Variants in SMIM14 observed in about 807,000 individuals in gnomAD.
SMIM14 encodes small integral membrane protein 14.
In SMIM14, 5 loss-of-function variants were observed where a neutral mutation model predicts 12.6. The observed-to-expected ratio is 0.40, with a 90% CI of 0.21 to 0.83. The LOEUF (loss-of-function observed/expected upper bound fraction) is 0.83, where lower values mean the gene tolerates loss of function less well. Among genes scored for constraint, SMIM14 ranks in the 40% least tolerant of loss-of-function variants. The pLI is 0.37. For missense variants in SMIM14, 86 were observed against 119.1 expected (o/e 0.72, Z 1.29); for synonymous variants, 30 against 40.1 (o/e 0.75, Z 0.95).
intron 1 of SMIM14, among the ~76,000 whole-genome samples, chr4:39,616,859 T>C (rs1481731274): frequency 6.6e-6 from 1 of 152,118 alleles, no homozygotes; most frequent in Non-Finnish European, 1.5e-5. Context: ...AATACTAAGA[T>C]ATTCATTTCC....
intron 2 of SMIM14, 61 bp from the exon 3 acceptor site, chr4:39,572,524 T>C: frequency 7.1e-7 from 1 of 1,413,274 alleles, no homozygotes; most frequent in Admixed American, 1.7e-5. Context: ...ACCATAATTA[T>C]TAGAAAGATC....
chr4:39,598,126 C>G (rs1463167809), intron 2 of SMIM14, among the ~76,000 whole-genome samples: 1 of 152,168 alleles, frequency 6.6e-6, no homozygotes, highest in Non-Finnish European at 1.5e-5. Context: ...GACAGCAACT[C>G]TCGTGGTTTT....
At chr4:39,562,181 C>CATG (rs1712342640) in intron 3 of SMIM14, among the ~76,000 whole-genome samples, 1 of 151,946 alleles carries the variant, frequency 6.6e-6, no homozygotes, top group Non-Finnish European at 1.5e-5. Context: ...TGAGACCAGC[C>CATG]TGGGCAACAT....
intron 4 of SMIM14, 112 bp downstream of exon 4, chr4:39,556,316 A>T: frequency 1.0e-6 from 1 of 960,380 alleles, no homozygotes; most frequent in Non-Finnish European, 1.5e-6. Flanking sequence ...ATACTCTATG[A>T]GTTAAATATA....
At position 39,547,905 on chromosome 4, in the gene SMIM14, CTTT is replaced by C. The variant is rs33990654; in HGVS notation, c.*4218_*4220del. ...ATAACATGAAAAAAATGAAAAACAT[CTTT>C]TTTTTTTTTTTTTTGAGACGGAGTT... On this transcript the variant is annotated 3_prime_UTR_variant, in exon 5 of 5. Transcript: ENST00000295958. The C allele has an allele frequency of 1.0e-4, 14 of 137,950 alleles. No homozygotes were observed. Among genetic ancestry groups the C allele is most frequent in the Non-Finnish European group, 1.1e-4 (7 of 64,362 alleles). The allele number at this position is 137,950 out of a possible 1,614,324, so 8.5% of individuals were successfully genotyped here.
intron 2 of SMIM14, chr4:39,588,129 TG>T (rs1474369822): frequency 5.9e-5 from 9 of 152,266 alleles, no homozygotes; most frequent in Non-Finnish European, 1.3e-4. Context: ...ACACAAACAA[TG>T]ATCAGCAGAC....
At chr4:39,627,196 TCA>T (rs1715736079) in intron 1 of SMIM14, among the ~76,000 whole-genome samples, 1 of 152,108 alleles carries the variant, frequency 6.6e-6, no homozygotes, top group Admixed American at 6.5e-5. Context: ...CATGACTTAA[TCA>T]CTACCCAAAG....
chr4:39,613,139 A>G (rs968719968), intron 1 of SMIM14, among the ~76,000 whole-genome samples: 2 of 152,214 alleles, frequency 1.3e-5, no homozygotes, highest in African/African-American at 4.8e-5. Flanking sequence ...GAGCTTCTGG[A>G]GGGCAGAAAT....
At chr4:39,594,662 AG>A (rs1351775287) in intron 2 of SMIM14, 3 of 148,146 alleles carry the variant, frequency 2.0e-5, no homozygotes, top group African/African-American at 7.5e-5. Flanking sequence ...CATCTGACAA[AG>A]GGCTAATATC....
At chr4:39,612,403 C>T (rs146440171) in intron 1 of SMIM14, among the ~76,000 whole-genome samples, 2,786 of 152,014 alleles carry the variant, frequency 0.018, 107 homozygotes, top group African/African-American at 0.062. Flanking sequence ...TACACACATG[C>T]GCTATGCTGG....
chr4:39,618,289 T>C (rs1045857336), intron 1 of SMIM14, among the ~76,000 whole-genome samples: 57 of 152,100 alleles, frequency 3.7e-4, no homozygotes, highest in Non-Finnish European at 1.9e-4. Context: ...ACCTTGATAC[T>C]GAACACTGTA....
At chr4:39,567,087 G>C (rs140165085) in intron 3 of SMIM14, among the ~76,000 whole-genome samples, 42 of 130,738 alleles carry the variant, frequency 3.2e-4, no homozygotes, top group African/African-American at 1.2e-3. Context: ...AGTAAGCCGA[G>C]ATTGCGCCAT....
intron 2 of SMIM14, among the ~76,000 whole-genome samples, chr4:39,587,180 A>C (rs1713822240): frequency 6.6e-6 from 1 of 151,972 alleles, no homozygotes; most frequent in Non-Finnish European, 1.5e-5. Context: ...TATAAACTAT[A>C]TACATACGTA....
intron 1 of SMIM14, among the ~76,000 whole-genome samples, chr4:39,608,174 T>C (rs1266489407): frequency 6.6e-6 from 1 of 152,200 alleles, no homozygotes; most frequent in Non-Finnish European, 1.5e-5. Flanking sequence ...CTAAGAGATT[T>C]GAAAACATAG....
chr4:39,571,254 C>G (rs1437059576), intron 3 of SMIM14, among the ~76,000 whole-genome samples: 1 of 152,056 alleles, frequency 6.6e-6, no homozygotes, highest in Non-Finnish European at 1.5e-5. Flanking sequence ...AAAGTTTCCA[C>G]ACATGGAAAA....
intron 1 of SMIM14, among the ~76,000 whole-genome samples, chr4:39,614,185 CAAAAAA>C (rs60332502): frequency 9.8e-6 from 1 of 102,264 alleles, no homozygotes; most frequent in African/African-American, 3.2e-5. Context: ...AACTCCATTA[CAAAAAA>C]AAAAAAAAAA....
chr4:39,572,279 T>G, intron 3 of SMIM14, 136 bp downstream of exon 3: 2 of 92,908 alleles, frequency 2.2e-5, no homozygotes, highest in Non-Finnish European at 1.8e-5. Context: ...ATGTGTCGCT[T>G]TTTTTTTTTT....
At chr4:39,602,623 C>A (rs1170347241) in intron 2 of SMIM14, among the ~76,000 whole-genome samples, 1 of 152,082 alleles carries the variant, frequency 6.6e-6, no homozygotes, top group East Asian at 1.9e-4. Context: ...ACGATCGGCT[C>A]TTTGCTTCAT....
At chr4:39,567,398 G>C (rs1712633454) in intron 3 of SMIM14, among the ~76,000 whole-genome samples, 3 of 151,948 alleles carry the variant, frequency 2.0e-5, no homozygotes, top group Non-Finnish European at 4.4e-5. Context: ...GAGCTCAGGA[G>C]TTCGAGACCA....
Sources: allele counts gnomAD v4.1 joint callset (sites outside exome capture counted in the v4.1 genomes callset), GRCh38; gene constraint gnomAD v4.1.1; transcripts MANE v1.5; gene names NCBI Gene and HGNC (gene_info 2026-07-23, HGNC 2026-07-21).